TCF3: variants seen among roughly 807,000 people sequenced by gnomAD.
TCF3 encodes the protein transcription factor 3.
TCF3 carries 54 observed loss-of-function variants against 72.3 expected under a neutral mutation model. That is an observed-to-expected ratio of 0.75 (90% CI 0.60 to 0.94). The LOEUF is 0.94. TCF3 is among the 40% of genes least tolerant of loss of function. TCF3 has a pLI of 0.00. For missense variants in TCF3, 1,078 were observed against 934.4 expected, an observed-to-expected ratio of 1.15 and a Z score of -2.00; for synonymous variants, 525 against 412.6, an observed-to-expected ratio of 1.27 and a Z score of -3.30.
rs1456515432 is a variant in TCF3, at chr19:1,624,750, AAGGCGGAAC to A, written c.500-759_500-751del. ...GTGGCCCAGGCGCATGTGCCCAGCC[AAGGCGGAAC>A]AGAGGCCTCCTCCCGCATCATGGGG... On this transcript the variant is annotated intron_variant, in intron 7 of 18. Coordinates refer to ENST00000262965, the MANE Select transcript of TCF3 (RefSeq NM_003200.5). Among the ~76,000 whole-genome samples, 5 of 152,354 alleles carry A rather than the reference AAGGCGGAAC, an allele frequency of 3.3e-5. No homozygotes were observed. In the South Asian group the frequency reaches 8.3e-4, roughly 25 times the overall value.
rs555232070 is a variant in TCF3, at chr19:1,630,351, C to A, written c.298+1687G>T. 1.1e-4 allele frequency among the ~76,000 whole-genome samples: 17 copies of A among 152,308 alleles called. 1 individual carries two copies. In the South Asian group the frequency reaches 3.5e-3, roughly 32 times the overall value. ...CTCAGACACACCCGCCAGACCTTCA[C>A]GCTATTCGCTTCCTACTCAGGACAC... On this transcript the variant is annotated intron_variant, in intron 5 of 18. Transcript: ENST00000262965.
chr19:1,619,703 G>A (rs927650894), intron 14 of TCF3, 77 bp downstream of exon 14: 26 of 1,304,694 alleles, frequency 2.0e-5, no homozygotes, highest in Non-Finnish European at 2.4e-5. Flanking sequence ...CTAACAAAAA[G>A]GTTTCTCCTT....
rs929492008 is a variant in TCF3 at position 1,631,517 on chromosome 19, C to G, written c.298+521G>C. Among the ~76,000 whole-genome samples the G allele has an allele frequency of 2.6e-5, 4 of 152,094 alleles. 1 individual carries two copies. In the South Asian group the frequency reaches 8.3e-4, roughly 32 times the overall value. ...CTCCTGACCTCAGGTGATCCACCCA[C>G]CTCGCTCTCCCAAAGTGCTGGTATT... On this transcript the variant is annotated intron_variant, in intron 5 of 18. Transcript: ENST00000262965.
rs937181607 is a variant in TCF3 at position 1,631,867 on chromosome 19, T to G, written c.298+171A>C. The G allele has an allele frequency of 8.7e-6, 13 of 1,500,786 alleles. No individual in the cohort carries two copies. In the East Asian group the frequency reaches 3.2e-4, roughly 37 times the overall value. The allele number at this position is 1,500,786 out of a possible 1,614,324, so 93.0% of individuals were successfully genotyped here. On this transcript the variant is annotated intron_variant, in intron 5 of 18. Transcript: ENST00000262965. Reference sequence around the variant, plus strand: ...GCCGTGCCAGGGAGTCCGGGCCACGTCCCCTGCACCTCCCCGCAGCTGCTC... The same window carrying G: ...GCCGTGCCAGGGAGTCCGGGCCACGGCCCCTGCACCTCCCCGCAGCTGCTC...
intron 3 of TCF3, among the ~76,000 whole-genome samples, chr19:1,636,002 G>C (rs935313945): frequency 6.6e-6 from 1 of 152,238 alleles, no homozygotes; most frequent in East Asian, 1.9e-4. Context: ...GAAGGACCCC[G>C]ATGGCAGCCT....
At chr19:1,617,283 CCGGGCCAGGGCCAA>C (rs1411333295) in intron 16 of TCF3, among the ~76,000 whole-genome samples, 1 of 152,228 alleles carries the variant, frequency 6.6e-6, no homozygotes, top group African/African-American at 2.4e-5. Flanking sequence ...AGCCCCACGC[CCGGGCCAGGGCCAA>C]CGGCACACTC....
Position 1,611,178 on chromosome 19 carries a change from A to G in TCF3, c.*529T>C, listed in dbSNP as rs1472280121. On this transcript the variant is annotated 3_prime_UTR_variant, in exon 19 of 19. Transcript: ENST00000262965. ...TTAAGAAAAAAAAAATCTTGTAACT[A>G]ATGTTTTTATTTTCCTTAAAAAAAA... 3 of 247,038 alleles carry G rather than the reference A, an allele frequency of 1.2e-5. No individual in the cohort carries two copies. Among genetic ancestry groups the G allele is most frequent in the African/African-American group, 2.2e-5 (1 of 45,798 alleles). 15.3% of individuals were successfully genotyped at this position (247,038 alleles called of 1,614,324 possible). A position where few individuals can be genotyped will look rare whatever the true frequency, so the allele number is the denominator to read the frequency against.
intron 3 of TCF3, among the ~76,000 whole-genome samples, chr19:1,638,129 G>A (rs113390172): frequency 5.3e-5 from 8 of 152,260 alleles, no homozygotes; most frequent in South Asian, 2.1e-4. Flanking sequence ...CCTAGAAGCC[G>A]TAACAAGACA....
chr19:1,615,571 G>C lies in TCF3; in HGVS notation c.1587-51C>G. The C allele has an allele frequency of 6.2e-7, 1 of 1,604,878 alleles. No homozygotes were observed. The highest frequency in any genetic ancestry group is 8.5e-7 in the Non-Finnish European group (1 of 1,179,728). ...CCAGAGGGAGACAGTGAGGTTGGGG[G>C]AAGAGCGTGGGGCCCGCCGACGGCC... is the stretch of plus-strand genomic sequence containing the variant. On this transcript the variant is annotated intron_variant, in intron 17 of 18. Transcript: ENST00000262965. This position sits in a 1 kb window ranked among gnomAD's most constrained non-coding sequence, Gnocchi z 7.3.
chr19:1,623,877 A>G, intron 8 of TCF3, 74 bp downstream of exon 8: 1 of 1,508,074 alleles, frequency 6.6e-7, no homozygotes. Context: ...GTGTGTTCCC[A>G]AGCTTCGCCA....
rs1312682247 is a variant in TCF3 at position 1,610,267 on chromosome 19, C to T, written c.*1440G>A. The T allele has an allele frequency of 1.7e-5, 4 of 232,124 alleles. No individual in the cohort carries two copies. Among genetic ancestry groups the T allele is most frequent in the Admixed American group, 5.6e-5 (1 of 17,754 alleles). 14.4% of individuals were successfully genotyped at this position (232,124 alleles called of 1,614,324 possible). On this transcript the variant is annotated 3_prime_UTR_variant, in exon 19 of 19. Transcript: ENST00000262965. ...GTGGGGCTCAGACCAGCACAGTCCC[C>T]CGGCTCCAGCCACTCTTGCCCTTGG...
chr19:1,619,636 T>C lies in TCF3; in HGVS notation c.1167+144A>G, dbSNP rs1339277482. ...GGCGCCCGGGAGCACACACAAAATG[T>C]GTGTGCCTTGGCGGCCACGAGGCCT... On this transcript the variant is annotated intron_variant, in intron 14 of 18. Coordinates refer to ENST00000262965, the MANE Select transcript of TCF3 (RefSeq NM_003200.5). The C allele has an allele frequency of 2.4e-5, 30 of 1,275,350 alleles. 1 individual carries two copies. The highest frequency in any genetic ancestry group is 4.6e-5 in the Admixed American group (2 of 43,270). The allele number at this position is 1,275,350 out of a possible 1,614,324, so 79.0% of individuals were successfully genotyped here.
chr19:1,642,321 GACAC>G (rs145416641), intron 3 of TCF3, among the ~76,000 whole-genome samples: 18 of 151,854 alleles, frequency 1.2e-4, no homozygotes, highest in Non-Finnish European at 1.0e-4. Flanking sequence ...CGCACACACA[GACAC>G]ACACACGTGC....
intron 2 of TCF3, among the ~76,000 whole-genome samples, chr19:1,647,354 G>C (rs1269670880): frequency 6.6e-6 from 1 of 152,240 alleles, no homozygotes; most frequent in African/African-American, 2.4e-5. Flanking sequence ...GCTGGAATCA[G>C]AGCCAGGGGC....
At chr19:1,613,122 T>TTGG (rs1215045723) in intron 18 of TCF3, among the ~76,000 whole-genome samples, 1 of 150,806 alleles carries the variant, frequency 6.6e-6, no homozygotes, top group Non-Finnish European at 1.5e-5. Context: ...ACGGCTGGTG[T>TTGG]TGGTGTGGGC....
In TCF3 at chr19:1,615,988, T is replaced by C. The variant is rs1403566966; in HGVS notation, c.1451-167A>G. 6.6e-6 allele frequency among the ~76,000 whole-genome samples: 1 copy of C among 152,074 alleles called. No homozygotes were observed. The highest frequency in any genetic ancestry group is 6.6e-5 in the Admixed American group (1 of 15,264). On this transcript the variant is annotated intron_variant, in intron 16 of 18. Coordinates refer to ENST00000262965, the MANE Select transcript of TCF3 (RefSeq NM_003200.5). The surrounding 1 kb of genome is among the most constrained non-coding windows in gnomAD (Gnocchi z 7.3). ...AGAACTGGATCCCTACCTCACGCCA[T>C]GTGTAGCTACCAATGCCAGACAGAT...
Position 1,615,627 on chromosome 19 carries a change from T to C in TCF3, c.1586+59A>G. The C allele has an allele frequency of 6.2e-7, 1 of 1,610,138 alleles. No individual in the cohort carries two copies. Among genetic ancestry groups the C allele is most frequent in the East Asian group, 2.2e-5 (1 of 44,786 alleles). ...GTGTGGGTGCGGTGTGCGTGTGGCC[T>C]GTGCACATGTGCGTCCTGATGGGGT... On this transcript the variant is annotated intron_variant, in intron 17 of 18. Transcript: ENST00000262965. This position sits in a 1 kb window ranked among gnomAD's most constrained non-coding sequence, Gnocchi z 7.3.
chr19:1,624,461 T>C (rs1327270919), intron 7 of TCF3, among the ~76,000 whole-genome samples: 6 of 152,152 alleles, frequency 3.9e-5, no homozygotes, highest in South Asian at 2.1e-4. Context: ...GCTCCAAAGA[T>C]GTCGAAGAAC....
intron 6 of TCF3, among the ~76,000 whole-genome samples, chr19:1,626,065 G>A (rs992848263): frequency 2.0e-5 from 3 of 152,206 alleles, no homozygotes; most frequent in Admixed American, 2.0e-4. Context: ...AAAGCCCTCG[G>A]TTGGATTCTG....
Sources: gnomAD v4.1 joint callset for allele counts (sites outside exome capture counted in the v4.1 genomes callset) on GRCh38, gnomAD v4.1.1 for gene constraint, Gnocchi (gnomAD v3.1) non-coding constraint, MANE v1.5 for transcripts, NCBI Gene and HGNC (gene_info 2026-07-23, HGNC 2026-07-21) for gene names.